BDH1: variants seen among roughly 807,000 people sequenced by gnomAD.
The protein encoded by BDH1 is D-beta-hydroxybutyrate dehydrogenase, mitochondrial.
BDH1 carries 30 observed loss-of-function variants against 33.1 expected under a neutral mutation model. That is an observed-to-expected ratio of 0.91 (90% CI 0.68 to 1.23). The LOEUF (loss-of-function observed/expected upper bound fraction) is 1.23. BDH1 is among the 50% of genes most tolerant of loss of function. The pLI is 0.00. For missense variants in BDH1, 443 were observed against 464.4 expected (o/e 0.95, Z 0.42); for synonymous variants, 190 against 183.6 (o/e 1.03, Z -0.28).
chr3:197,539,222 C>T (rs1005602155), intron 3 of BDH1, among the ~76,000 whole-genome samples: 2 of 152,188 alleles, frequency 1.3e-5, no homozygotes, highest in Admixed American at 6.5e-5. Context: ...GATCTTGGCT[C>T]GCTGCAACCT....
At chr3:197,552,906 A>G (rs995799628) in intron 2 of BDH1, among the ~76,000 whole-genome samples, 2 of 152,200 alleles carry the variant, frequency 1.3e-5, no homozygotes, top group African/African-American at 4.8e-5. Flanking sequence ...TGCACACAAC[A>G]GACACACAAT....
chr3:197,570,782 C>T (rs1379002964), intron 1 of BDH1, among the ~76,000 whole-genome samples: 4 of 152,382 alleles, frequency 2.6e-5, no homozygotes, highest in Non-Finnish European at 5.9e-5. Flanking sequence ...CAGAGAACCT[C>T]TGCTAGGGCA....
In BDH1 at chr3:197,514,271, C is replaced by T. The variant is rs1712434058; in HGVS notation, c.555G>A (p.Arg185=). 2.5e-6 allele frequency: 4 copies of T among 1,612,522 alleles called. No individual in the cohort carries two copies. Among genetic ancestry groups the T allele is most frequent in the Non-Finnish European group, 3.4e-6 (4 of 1,179,038 alleles). Residue 185 remains arginine, a synonymous_variant, in exon 7 of 8, where the codon AGG becomes AGA. Coordinates refer to ENST00000392379, the MANE Select transcript of BDH1 (RefSeq NM_203314.3). The surrounding 1 kb of genome is among the most constrained non-coding windows in gnomAD (Gnocchi z 4.2). ...MTKSFLPLIR[R]AKGRVVNISS... is the part of the protein sequence containing the mutation. ...GCTCCCTTTCCCACTCACCTTTGGC[C>T]CTTCGGATGAGGGGGAGAAAGGATT...
At chr3:197,571,179 T>C (rs1161402141) in intron 1 of BDH1, among the ~76,000 whole-genome samples, 1 of 152,230 alleles carries the variant, frequency 6.6e-6, no homozygotes, top group African/African-American at 2.4e-5. Flanking sequence ...GGTATATTTA[T>C]CCAATGCCTG....
Position 197,525,702 on chromosome 3 carries a change from C to T in BDH1, c.268-2921G>A, listed in dbSNP as rs1714024882. Among the ~76,000 whole-genome samples, 2 of 152,200 alleles carry T rather than the reference C, an allele frequency of 1.3e-5. No individual in the cohort carries two copies. Among genetic ancestry groups the T allele is most frequent in the Non-Finnish European group, 2.9e-5 (2 of 68,032 alleles). On this transcript the variant is annotated intron_variant, in intron 5 of 7. Coordinates refer to ENST00000392379, the MANE Select transcript of BDH1 (RefSeq NM_203314.3). This position sits in a 1 kb window ranked among gnomAD's most constrained non-coding sequence, Gnocchi z 4.9. Reference sequence around the variant, plus strand: ...AATAGGGACAGAAACTACCAATTTGCCCCCAGTTATTCAGAGAAATCTTTC... The same window carrying T: ...AATAGGGACAGAAACTACCAATTTGTCCCCAGTTATTCAGAGAAATCTTTC...
rs114888838 is a variant in BDH1 at position 197,545,674 on chromosome 3, G to C, written c.83+687C>G. ...ACACTGGAATAAGGTCTGTAGACTA[G>C]TTAATAGTATTCTATCAATGGTAAT... On this transcript the variant is annotated intron_variant, in intron 3 of 7. Transcript: ENST00000392379. Among the ~76,000 whole-genome samples, 1,287 of 152,368 alleles carry C rather than the reference G, an allele frequency of 8.4e-3. 17 individuals carry two copies. The highest frequency in any genetic ancestry group is 0.029 in the African/African-American group (1,222 of 41,584).
chr3:197,571,183 A>G (rs754321614), intron 1 of BDH1, among the ~76,000 whole-genome samples: 42 of 152,158 alleles, frequency 2.8e-4, no homozygotes, highest in Non-Finnish European at 5.9e-4. Context: ...TATTTATCCA[A>G]TGCCTGTACC....
At chr3:197,551,600 T>TG (rs1716573983) in intron 2 of BDH1, among the ~76,000 whole-genome samples, 1 of 152,222 alleles carries the variant, frequency 6.6e-6, no homozygotes, top group Admixed American at 6.5e-5. Flanking sequence ...GCAGTGGCAC[T>TG]GCTGGATCCT....
intron 1 of BDH1, among the ~76,000 whole-genome samples, chr3:197,572,451 G>A (rs1039106895): frequency 6.6e-6 from 1 of 152,192 alleles, no homozygotes; most frequent in Non-Finnish European, 1.5e-5. Flanking sequence ...GGAAAACTTT[G>A]TAATTTTGAA....
At chr3:197,545,563 A>G (rs1716006935) in intron 3 of BDH1, among the ~76,000 whole-genome samples, 2 of 152,212 alleles carry the variant, frequency 1.3e-5, no homozygotes, top group South Asian at 4.1e-4. Flanking sequence ...GCAGGAAGAA[A>G]CTAAAAACAC....
chr3:197,521,133 T>G lies in BDH1; in HGVS notation c.409+1507A>C, dbSNP rs966010350. Among the ~76,000 whole-genome samples the G allele has an allele frequency of 1.3e-4, 20 of 152,316 alleles. No homozygotes were observed. Among genetic ancestry groups the G allele is most frequent in the African/African-American group, 4.8e-4 (20 of 41,576 alleles). On this transcript the variant is annotated intron_variant, in intron 6 of 7. Coordinates refer to ENST00000392379, the MANE Select transcript of BDH1 (RefSeq NM_203314.3). The surrounding 1 kb of genome is among the most constrained non-coding windows in gnomAD (Gnocchi z 4.9). ...CCCCAGCCACTGAAGTAGCTGCTCC[T>G]GAGAGCTGCCCCACCCCATTCTGAG...
rs1419140983 is a variant in BDH1 at position 197,533,523 on chromosome 3, A to G, written c.122T>C (p.Ile41Thr). The part of the protein sequence containing the change: ...LLLGSTSFIP[I>T]GRRTYASAAE... ...CGCACTGGCATAAGTCCGACGGCCA[A>G]TCGGGATAAAGGAAGTAGAACCAAG... Residue 41 changes from isoleucine (I) to threonine (T), a missense_variant, in exon 4 of 8, where the codon ATT (isoleucine) becomes ACT (threonine). Physicochemically the swap from Ile to Thr is moderately conservative, Grantham distance 89. Coordinates refer to ENST00000392379, the MANE Select transcript of BDH1 (RefSeq NM_203314.3). 7 of 1,614,136 alleles carry G rather than the reference A, an allele frequency of 4.3e-6. No individual in the cohort carries two copies. Among genetic ancestry groups the G allele is most frequent in the East Asian group, 2.2e-5 (1 of 44,886 alleles).
intron 3 of BDH1, among the ~76,000 whole-genome samples, chr3:197,536,371 T>C (rs1391432406): frequency 6.6e-6 from 1 of 152,236 alleles, no homozygotes; most frequent in Non-Finnish European, 1.5e-5. Context: ...CTTGTCTTCA[T>C]CTATAAAAAA....
upstream of BDH1, among the ~76,000 whole-genome samples, chr3:197,556,619 G>A (rs993505203): frequency 1.3e-5 from 2 of 152,262 alleles, no homozygotes; most frequent in African/African-American, 4.8e-5. Context: ...AGTGAGCCGA[G>A]ATTGCACCAT....
At chr3:197,530,201 G>A (rs1299177902) in intron 5 of BDH1, 1 of 152,176 alleles carries the variant, frequency 6.6e-6, no homozygotes, top group Non-Finnish European at 1.5e-5. Flanking sequence ...AAAGCTTGAT[G>A]CATACTCTGT....
chr3:197,518,849 C>G (rs56910126), intron 6 of BDH1, among the ~76,000 whole-genome samples: 3 of 25,850 alleles, frequency 1.2e-4, no homozygotes, highest in Admixed American at 3.3e-4. Context: ...CTCCTCAGGC[C>G]GACCCCCCTC....
chr3:197,572,306 T>G (rs562193455), intron 1 of BDH1, among the ~76,000 whole-genome samples: 1 of 152,260 alleles, frequency 6.6e-6, no homozygotes, highest in South Asian at 2.1e-4. Context: ...TTAAATGAAT[T>G]TACGAAGGCT....
In BDH1 at chr3:197,522,439, C is replaced by T. The variant is rs1488741428; in HGVS notation, c.409+201G>A. ...AGCACTCCGTGAACTCTGAAATCAC[C>T]TCCTGACTGTATTTTTCCATTGCCC... On this transcript the variant is annotated intron_variant, in intron 6 of 7. Transcript: ENST00000392379. The surrounding 1 kb of genome is among the most constrained non-coding windows in gnomAD (Gnocchi z 4.8). 6.6e-6 allele frequency among the ~76,000 whole-genome samples: 1 copy of T among 152,200 alleles called. No individual in the cohort carries two copies. The highest frequency in any genetic ancestry group is 1.5e-5 in the Non-Finnish European group (1 of 68,044).
In BDH1 at chr3:197,514,770, G is replaced by A. The variant is rs1253684389; in HGVS notation, c.410-354C>T. ...CCACCCCATCCCATCCCCACACCCT[G>A]AGTTTGAGTTTCACGCCCCGTTCCT... On this transcript the variant is annotated intron_variant, in intron 6 of 7. Transcript: ENST00000392379. The surrounding 1 kb of genome is among the most constrained non-coding windows in gnomAD (Gnocchi z 4.2). Among the ~76,000 whole-genome samples the A allele has an allele frequency of 6.6e-6, 1 of 152,098 alleles. No individual in the cohort carries two copies. The highest frequency in any genetic ancestry group is 6.6e-5 in the Admixed American group (1 of 15,262).
Sources: allele counts gnomAD v4.1 joint callset (sites outside exome capture counted in the v4.1 genomes callset), GRCh38; gene constraint gnomAD v4.1.1; non-coding constraint Gnocchi (gnomAD v3.1); transcripts MANE v1.5; gene names NCBI Gene and HGNC (gene_info 2026-07-23, HGNC 2026-07-21).